GNG4: variants seen among roughly 807,000 people sequenced by gnomAD.
The protein encoded by GNG4 is guanine nucleotide-binding protein G(I)/G(S)/G(O) subunit gamma-4.
GNG4 carries 4 observed loss-of-function variants against 5.8 expected under a neutral mutation model. The observed-to-expected ratio is 0.69, with a 90% CI of 0.34 to 1.57. The LOEUF is 1.57. Among genes scored for constraint, GNG4 ranks in the 40% most tolerant of loss-of-function variants. The pLI is 0.06. For synonymous variants in GNG4, 29 were observed against 32.9 expected, an observed-to-expected ratio of 0.88 and a Z score of 0.41; for missense variants, 96 against 95.1, an observed-to-expected ratio of 1.01 and a Z score of -0.04.
chr1:235,608,113 T>C (rs1688401821), intron 1 of GNG4, among the ~76,000 whole-genome samples: 1 of 152,060 alleles, frequency 6.6e-6, no homozygotes, highest in African/African-American at 2.4e-5. Context: ...AATTTTTGTA[T>C]TTTTAGTAAA....
chr1:235,631,575 CTTT>C (rs11307446), intron 1 of GNG4, among the ~76,000 whole-genome samples: 1 of 146,002 alleles, frequency 6.8e-6, no homozygotes, highest in African/African-American at 2.5e-5. Context: ...TTCTTTCTTT[CTTT>C]TTTTTTTTTT....
intron 2 of GNG4, among the ~76,000 whole-genome samples, chr1:235,588,568 G>A (rs764321151): frequency 1.6e-4 from 24 of 151,898 alleles, no homozygotes; most frequent in Non-Finnish European, 3.1e-4. Context: ...CCACACTCAC[G>A]AAGGGGCTGC....
intron 1 of GNG4, among the ~76,000 whole-genome samples, chr1:235,602,977 G>T (rs1296870165): frequency 3.3e-5 from 5 of 152,110 alleles, no homozygotes; most frequent in Admixed American, 3.3e-4. Context: ...GGCCGGGTGC[G>T]GTTGCTCACA....
At chr1:235,566,355 C>T (rs982213566) in intron 3 of GNG4, among the ~76,000 whole-genome samples, 3 of 152,144 alleles carry the variant, frequency 2.0e-5, no homozygotes, top group African/African-American at 7.2e-5. Flanking sequence ...CTTAGATTCC[C>T]ATAGGAGCGT....
In GNG4 at chr1:235,551,150, G is replaced by C. The variant is rs959749289; in HGVS notation, c.*959C>G. 1 of 152,220 alleles carries C rather than the reference G, an allele frequency of 6.6e-6. No individual in the cohort carries two copies. The allele number at this position is 152,220 out of a possible 1,614,324, so 9.4% of individuals were successfully genotyped here. A position where few individuals can be genotyped will look rare whatever the true frequency, so the allele number is the denominator to read the frequency against. ...GTACTTTTACAGTCAAGTTGACTTC[G>C]GTGTCCGCCCACCATCTACCTTTGT... On this transcript the variant is annotated 3_prime_UTR_variant, in exon 4 of 4. Transcript: ENST00000391854.
intron 2 of GNG4, among the ~76,000 whole-genome samples, chr1:235,587,633 GAGTGTGAGTGT>G (rs1687839346): frequency 4.1e-5 from 1 of 24,396 alleles, no homozygotes. Flanking sequence ...ATGTGGGGTG[GAGTGTGAGTGT>G]GGGAGGGTGT....
chr1:235,578,789 T>C (rs1687547082), intron 3 of GNG4, among the ~76,000 whole-genome samples: 1 of 151,948 alleles, frequency 6.6e-6, no homozygotes, highest in East Asian at 1.9e-4. Context: ...ATTAGAGAGA[T>C]GTTGGTCAAA....
At chr1:235,577,919 C>T (rs572139362) in intron 3 of GNG4, among the ~76,000 whole-genome samples, 1 of 152,314 alleles carries the variant, frequency 6.6e-6, no homozygotes, top group East Asian at 1.9e-4. Context: ...AAGGCCATTG[C>T]CTTTCCCTGG....
chr1:235,612,378 T>C (rs967075174), intron 1 of GNG4, among the ~76,000 whole-genome samples: 2 of 152,092 alleles, frequency 1.3e-5, no homozygotes, highest in African/African-American at 4.8e-5. Flanking sequence ...CCCCATGTGA[T>C]GGTCATGGTG....
intron 3 of GNG4, among the ~76,000 whole-genome samples, chr1:235,568,423 A>C (rs1687254450): frequency 6.6e-6 from 1 of 152,216 alleles, no homozygotes; most frequent in Non-Finnish European, 1.5e-5. Flanking sequence ...GTCTTAATGT[A>C]TATTATCATG....
chr1:235,548,019 T>C lies in GNG4; in HGVS notation c.*4090A>G, dbSNP rs1007800822. On this transcript the variant is annotated 3_prime_UTR_variant, in exon 4 of 4. Coordinates refer to ENST00000391854, the MANE Select transcript of GNG4 (RefSeq NM_001098722.2). ...AAGTTGGGGGTGGAGTTGCAGCTCA[T>C]TCCCATTGCAGTCTGGGATTCCATC... The C allele has an allele frequency of 6.6e-6, 1 of 152,196 alleles. No individual in the cohort carries two copies. Among genetic ancestry groups the C allele is most frequent in the Non-Finnish European group, 1.5e-5 (1 of 68,028 alleles). The allele number at this position is 152,196 out of a possible 1,614,324, so 9.4% of individuals were successfully genotyped here.
At chr1:235,604,606 A>G in intron 1 of GNG4, among the ~76,000 whole-genome samples, 1 of 152,184 alleles carries the variant, frequency 6.6e-6, no homozygotes, top group Non-Finnish European at 1.5e-5. Context: ...CCATCTTCAC[A>G]TAACCCACTT....
At chr1:235,641,631 C>T (rs1657332806) in intron 1 of GNG4, among the ~76,000 whole-genome samples, 1 of 152,138 alleles carries the variant, frequency 6.6e-6, no homozygotes, top group Non-Finnish European at 1.5e-5. Flanking sequence ...GTGCAGGTTG[C>T]AGTGAGCCGA....
intron 1 of GNG4, among the ~76,000 whole-genome samples, chr1:235,613,009 C>A (rs1191352321): frequency 6.6e-6 from 1 of 151,824 alleles, no homozygotes; most frequent in Non-Finnish European, 1.5e-5. Flanking sequence ...TATAAGGGCA[C>A]AAGTCCAATT....
At chr1:235,638,870 G>A (rs1571927348) in intron 1 of GNG4, among the ~76,000 whole-genome samples, 1 of 103,746 alleles carries the variant, frequency 9.6e-6, no homozygotes, top group Admixed American at 1.0e-4. Flanking sequence ...AATCCATGGT[G>A]TATATGTGCC....
Position 235,552,168 on chromosome 1 carries a change from G to A in GNG4, c.169C>T (p.Pro57Ser). Residue 57 changes from proline to serine, a missense_variant, in exon 4 of 4, where the codon CCA becomes TCA. Pro to Ser is a moderately conservative substitution (Grantham distance 74, BLOSUM62 -1). Transcript: ENST00000391854. ...AAGGGGTTTTCTGATGCAGGCACTG[G>A]AATGATGAGAGGATCTTCCCGCACG... ...AHVREDPLII[P>S]VPASENPFRE... The A allele has an allele frequency of 6.2e-7, 1 of 1,613,756 alleles. No homozygotes were observed. Among genetic ancestry groups the A allele is most frequent in the Non-Finnish European group, 8.5e-7 (1 of 1,179,620 alleles).
chr1:235,615,942 C>G (rs1477539046), intron 1 of GNG4: 1 of 301,774 alleles, frequency 3.3e-6, no homozygotes, highest in East Asian at 1.0e-4. Flanking sequence ...TATCAGCACT[C>G]TGGCCTGGGT....
Position 235,649,593 on chromosome 1 carries a change from C to T in GNG4, c.-123+69G>A, listed in dbSNP as rs1480308743. The T allele has an allele frequency of 6.6e-6, 1 of 152,288 alleles. No individual in the cohort carries two copies. The highest frequency in any genetic ancestry group is 2.4e-5 in the African/African-American group (1 of 41,468). The allele number at this position is 152,288 out of a possible 1,614,324, so 9.4% of individuals were successfully genotyped here. Reference sequence around the variant, plus strand: ...GAGACTTTCACCCCGAGTTTCCCTTCCGCGTCTGGCTGCACCGGGCTGGGC... The same window carrying T: ...GAGACTTTCACCCCGAGTTTCCCTTTCGCGTCTGGCTGCACCGGGCTGGGC... On this transcript the variant is annotated intron_variant, in intron 1 of 3. Coordinates refer to ENST00000391854, the MANE Select transcript of GNG4 (RefSeq NM_001098722.2). This position sits in a 1 kb window ranked among gnomAD's most constrained non-coding sequence, Gnocchi z 5.7.
At chr1:235,646,525 C>G (rs1657515057) in intron 1 of GNG4, among the ~76,000 whole-genome samples, 1 of 152,240 alleles carries the variant, frequency 6.6e-6, no homozygotes, top group African/African-American at 2.4e-5. Flanking sequence ...TTGTTGCCCA[C>G]TAACCTGGGC....
Sources: allele counts gnomAD v4.1 joint callset (sites outside exome capture counted in the v4.1 genomes callset), GRCh38; gene constraint gnomAD v4.1.1; non-coding constraint Gnocchi (gnomAD v3.1); transcripts MANE v1.5; gene names NCBI Gene and HGNC (gene_info 2026-07-23, HGNC 2026-07-21).